TMEM160: variants seen among roughly 807,000 people sequenced by gnomAD.
TMEM160 encodes transmembrane protein 160.
In TMEM160, 10 loss-of-function variants were observed where a neutral mutation model predicts 13.9. The observed-to-expected ratio is 0.72, with a 90% CI of 0.45 to 1.22. The LOEUF (loss-of-function observed/expected upper bound fraction) is 1.22. TMEM160 is among the 50% of genes most tolerant of loss of function. TMEM160 has a pLI of 0.00. For synonymous variants in TMEM160, 159 were observed against 134.8 expected (o/e 1.18, Z -1.25); for missense variants, 287 against 283.2 (o/e 1.01, Z -0.10).
chr19:47,047,643 G>C, intron 1 of TMEM160: 1 of 931,652 alleles, frequency 1.1e-6, no homozygotes, highest in Non-Finnish European at 1.3e-6. Context: ...CTGAGCCCAA[G>C]AGTTCAGACC....
At chr19:47,047,852 A>C in intron 1 of TMEM160, 1 of 978,854 alleles carries the variant, frequency 1.0e-6, no homozygotes, top group Non-Finnish European at 1.2e-6. Context: ...TCATTAAAAA[A>C]ATAAAATTAA....
chr19:47,047,882 A>C, intron 1 of TMEM160: 1 of 983,810 alleles, frequency 1.0e-6, no homozygotes, highest in East Asian at 1.1e-4. Flanking sequence ...AAACATGGCC[A>C]GTCCGCTCCA....
In TMEM160 at chr19:47,046,041, G is replaced by C. The variant is rs377284578; in HGVS notation, c.513C>G (p.Asp171Glu). Residue 171 changes from aspartate (D) to glutamate (E), a missense_variant, in exon 3 of 3, where the codon GAC (aspartate) becomes GAG (glutamate). Asp to Glu is a conservative substitution (Grantham distance 45). Coordinates refer to ENST00000253047, the MANE Select transcript of TMEM160 (RefSeq NM_017854.2). Reference sequence around the variant, plus strand: ...CAGGGCCTTCCGCGGAGGCCGTCCCGTCGTCCTCGGGCACCAGCTCCACGT... The same window carrying C: ...CAGGGCCTTCCGCGGAGGCCGTCCCCTCGTCCTCGGGCACCAGCTCCACGT... Reference protein sequence around the residue: ...ELDVELVPEDDGTASAEGPDE... With the variant: ...ELDVELVPEDEGTASAEGPDE... 18 of 1,548,726 alleles carry C rather than the reference G, an allele frequency of 1.2e-5. No homozygotes were observed. Among genetic ancestry groups the C allele is most frequent in the Middle Eastern group, 1.7e-4 (1 of 6,008 alleles).
At chr19:47,047,832 C>G (rs1008290871) in intron 1 of TMEM160, 29 of 925,804 alleles carry the variant, frequency 3.1e-5, no homozygotes, top group Non-Finnish European at 3.6e-5. Context: ...GGTGACAGAG[C>G]AAGACACCGT....
chr19:47,047,967 T>G, intron 1 of TMEM160: 2 of 981,308 alleles, frequency 2.0e-6, no homozygotes, highest in Non-Finnish European at 2.4e-6. Context: ...AGCAGAGAGC[T>G]TTCTCCCGAT....
chr19:47,046,723 C>T (rs1230346294), intron 1 of TMEM160, 38 bp from the exon 2 acceptor site: 2 of 1,424,820 alleles, frequency 1.4e-6, no homozygotes, highest in South Asian at 2.3e-5. Flanking sequence ...AACATCACCC[C>T]CAACCCTACC....
At chr19:47,048,202 C>G (rs1005442769) in intron 1 of TMEM160, among the ~76,000 whole-genome samples, 1 of 152,210 alleles carries the variant, frequency 6.6e-6, no homozygotes, top group Non-Finnish European at 1.5e-5. Context: ...CGCCCCGTTA[C>G]CCGGGGTCCT....
rs758803480 is a variant in TMEM160 at position 47,046,664 on chromosome 19, T to C, written c.230A>G (p.Asn77Ser). Residue 77 changes from asparagine (N) to serine (S), a missense_variant, in exon 2 of 3, where the codon AAT becomes AGT. Physicochemically the swap from Asn to Ser is conservative, Grantham distance 46. Transcript: ENST00000253047. ...CCCGATGCCCGATGCCAGGAGGCCA[T>C]TGCGGAACCAGGAGAGGAAGGCTGG... ...HETAFLSWFR[N>S]GLLASGIGVI... The C allele has an allele frequency of 1.5e-5, 25 of 1,613,214 alleles. No individual in the cohort carries two copies. Among genetic ancestry groups the C allele is most frequent in the Non-Finnish European group, 2.0e-5 (24 of 1,179,818 alleles).
Position 47,046,610 on chromosome 19 carries a change from C to G in TMEM160, c.284G>C (p.Gly95Ala). The change falls in exon 2 of 3, where the codon GGT (glycine) becomes GCT (alanine). Residue 95 changes from glycine (G) to alanine (A), a missense_variant. Physicochemically the swap from Gly to Ala is moderately conservative, Grantham distance 60. Coordinates refer to ENST00000253047, the MANE Select transcript of TMEM160 (RefSeq NM_017854.2). ...GVISFMQSDM[G>A]REAAYGFFLL... Reference sequence around the variant, plus strand: ...GCACTCACCATATGCTGCTTCCCGACCCATGTCACTCTGCATGAAGGAGAT... The same window carrying G: ...GCACTCACCATATGCTGCTTCCCGAGCCATGTCACTCTGCATGAAGGAGAT... 6.2e-7 allele frequency: 1 copy of G among 1,613,560 alleles called. No individual in the cohort carries two copies. The highest frequency in any genetic ancestry group is 8.5e-7 in the Non-Finnish European group (1 of 1,179,914).
intron 1 of TMEM160, chr19:47,047,440 C>G: frequency 1.0e-6 from 1 of 984,918 alleles, no homozygotes; most frequent in Non-Finnish European, 1.2e-6. Context: ...CATCTCCTAC[C>G]GAGTATGGCC....
chr19:47,048,336 G>T, intron 1 of TMEM160, 71 bp downstream of exon 1: 1 of 1,217,192 alleles, frequency 8.2e-7, no homozygotes, highest in South Asian at 1.6e-5. Flanking sequence ...AGAAGCCCCC[G>T]CCCCATCAAG....
chr19:47,046,270 T>C lies in TMEM160; in HGVS notation c.302-18A>G. The C allele has an allele frequency of 6.5e-7, 1 of 1,529,090 alleles. No homozygotes were observed. The highest frequency in any genetic ancestry group is 8.7e-7 in the Non-Finnish European group (1 of 1,143,588). The allele number at this position is 1,529,090 out of a possible 1,614,324, so 94.7% of individuals were successfully genotyped here. ...GAAGAAGCCTGCGGGAGAGGCAGGG[T>C]AGCAACAGGGCCAAGGTCGGGGGAT... On this transcript the variant is annotated intron_variant, in intron 2 of 2. Coordinates refer to ENST00000253047, the MANE Select transcript of TMEM160 (RefSeq NM_017854.2).
intron 1 of TMEM160, chr19:47,047,511 C>A (rs1303519946): frequency 1.0e-6 from 1 of 985,346 alleles, no homozygotes; most frequent in Non-Finnish European, 1.2e-6. Context: ...CCACGTCCGT[C>A]CCCATTCACG....
In TMEM160 at chr19:47,046,093, C is replaced by T. The variant is rs1214184868; in HGVS notation, c.461G>A (p.Gly154Asp). The T allele has an allele frequency of 5.2e-6, 8 of 1,537,970 alleles. No individual in the cohort carries two copies. Among genetic ancestry groups the T allele is most frequent in the Non-Finnish European group, 7.0e-6 (8 of 1,148,174 alleles). ...AASLLWACAV[G>D]LYMGQLELDV... ...CAGCTCCAGCTGCCCCATGTAGAGGCCCACGGCGCACGCCCAGAGCAGGCT... is the reference window on the plus strand; with the variant it reads ...CAGCTCCAGCTGCCCCATGTAGAGGTCCACGGCGCACGCCCAGAGCAGGCT... The change falls in exon 3 of 3, where the codon GGC becomes GAC. Residue 154 changes from glycine to aspartate, a missense_variant. Coordinates refer to ENST00000253047, the MANE Select transcript of TMEM160 (RefSeq NM_017854.2).
chr19:47,047,193 G>C (rs931022441), intron 1 of TMEM160, among the ~76,000 whole-genome samples: 2 of 152,268 alleles, frequency 1.3e-5, no homozygotes, highest in Middle Eastern at 6.8e-3. Context: ...CTGGGCGACA[G>C]AGTGAGACTC....
At chr19:47,047,723 G>T in intron 1 of TMEM160, 1 of 542,228 alleles carries the variant, frequency 1.8e-6, no homozygotes, top group Non-Finnish European at 2.4e-6. Flanking sequence ...GTGTATGCCT[G>T]TAGCTCCAGC....
In TMEM160 at chr19:47,046,086, G is replaced by A. The variant is rs1284548382; in HGVS notation, c.468C>T (p.Tyr156=). Residue 156 remains tyrosine (Y), a synonymous_variant, in exon 3 of 3, where the codon TAC becomes TAT. Coordinates refer to ENST00000253047, the MANE Select transcript of TMEM160 (RefSeq NM_017854.2). Reference sequence around the variant, plus strand: ...CCACGTCCAGCTCCAGCTGCCCCATGTAGAGGCCCACGGCGCACGCCCAGA... The same window carrying A: ...CCACGTCCAGCTCCAGCTGCCCCATATAGAGGCCCACGGCGCACGCCCAGA... ...SLLWACAVGL[Y]MGQLELDVEL... 2 of 1,542,584 alleles carry A rather than the reference G, an allele frequency of 1.3e-6. No individual in the cohort carries two copies. The highest frequency in any genetic ancestry group is 2.4e-5 in the South Asian group (2 of 84,598).
chr19:47,047,895 C>G, intron 1 of TMEM160: 1 of 985,114 alleles, frequency 1.0e-6, no homozygotes, highest in Non-Finnish European at 1.2e-6. Context: ...CCGCTCCATT[C>G]TGGACCTCGC....
intron 1 of TMEM160, chr19:47,047,781 G>T: frequency 3.0e-6 from 2 of 656,254 alleles, no homozygotes; most frequent in Non-Finnish European, 3.8e-6. Flanking sequence ...AGGAGTTCAA[G>T]GCTGCAGTGG....
Sources: gnomAD v4.1 joint callset for allele counts (sites outside exome capture counted in the v4.1 genomes callset) on GRCh38, gnomAD v4.1.1 for gene constraint, MANE v1.5 for transcripts, NCBI Gene and HGNC (gene_info 2026-07-23, HGNC 2026-07-21) for gene names.